Variants in TMEM9 observed in about 807,000 individuals in gnomAD.
TMEM9 encodes proton-transporting V-type ATPase complex assembly regulator TMEM9.
TMEM9 carries 13 observed loss-of-function variants against 22.8 expected under a neutral mutation model. The ratio of observed to expected loss-of-function variants is 0.57; its 90% CI spans 0.37 to 0.91. The LOEUF (loss-of-function observed/expected upper bound fraction) is 0.91, where lower values mean the gene tolerates loss of function less well. Among genes scored for constraint, TMEM9 ranks in the 40% least tolerant of loss-of-function variants. The probability of loss-of-function intolerance (pLI) is 0.01; values close to 1 mark genes in which losing one functional copy is unlikely to be tolerated. For synonymous variants in TMEM9, 88 were observed against 93.0 expected, an observed-to-expected ratio of 0.95 and a Z score of 0.31; for missense variants, 182 against 238.1, an observed-to-expected ratio of 0.76 and a Z score of 1.55.
intron 1 of TMEM9, among the ~76,000 whole-genome samples, chr1:201,171,034 G>A (rs1666199406): frequency 6.6e-6 from 1 of 152,246 alleles, no homozygotes; most frequent in Non-Finnish European, 1.5e-5. Flanking sequence ...TGTTGTGCCC[G>A]AGACAGGCAC....
At chr1:201,149,141 G>A (rs934305121) in intron 2 of TMEM9, among the ~76,000 whole-genome samples, 2 of 152,210 alleles carry the variant, frequency 1.3e-5, no homozygotes, top group African/African-American at 4.8e-5. Flanking sequence ...TTGCTACCCA[G>A]GGGAACAGCA....
intron 1 of TMEM9, among the ~76,000 whole-genome samples, chr1:201,163,488 G>A (rs1665998373): frequency 6.6e-6 from 1 of 152,064 alleles, no homozygotes; most frequent in African/African-American, 2.4e-5. Context: ...TACTTGAGAG[G>A]CTGAGACATG....
intron 4 of TMEM9, among the ~76,000 whole-genome samples, chr1:201,139,606 C>A (rs1364848406): frequency 6.6e-6 from 1 of 152,184 alleles, no homozygotes; most frequent in African/African-American, 2.4e-5. Flanking sequence ...CCTCTGGCCA[C>A]ACTGGTCCAT....
intron 4 of TMEM9, among the ~76,000 whole-genome samples, chr1:201,142,377 G>A (rs546767962): frequency 7.2e-5 from 11 of 152,284 alleles, no homozygotes; most frequent in African/African-American, 2.6e-4. Context: ...TTTTTGGTGA[G>A]GAACTGGCTC....
At chr1:201,155,191 C>T (rs144892749), upstream of TMEM9, among the ~76,000 whole-genome samples, 33 of 152,290 alleles carry the variant, frequency 2.2e-4, no homozygotes, top group African/African-American at 7.2e-4. Context: ...TTGGCCCTGG[C>T]GCTCCCCCTA....
At chr1:201,160,629 T>A (rs1284733124) in intron 1 of TMEM9, among the ~76,000 whole-genome samples, 2 of 55,542 alleles carry the variant, frequency 3.6e-5, no homozygotes, top group African/African-American at 7.7e-5. Context: ...AAATTTTTTT[T>A]TTTTTTTTAA....
chr1:201,161,129 C>T (rs774818009), intron 1 of TMEM9, among the ~76,000 whole-genome samples: 39 of 152,028 alleles, frequency 2.6e-4, no homozygotes, highest in Non-Finnish European at 4.7e-4. Context: ...AAATTTAGCA[C>T]GAAGAGTGGC....
intron 2 of TMEM9, among the ~76,000 whole-genome samples, chr1:201,148,852 C>T (rs778823851): frequency 1.3e-5 from 2 of 152,206 alleles, no homozygotes; most frequent in African/African-American, 2.4e-5. Flanking sequence ...CTGTTGTAAC[C>T]GGAAGTACTG....
At chr1:201,144,540 G>A (rs1007689812) in intron 3 of TMEM9, 1 of 152,704 alleles carries the variant, frequency 6.5e-6, no homozygotes, top group African/African-American at 2.4e-5. Flanking sequence ...CTGCAGGGAG[G>A]GGAAAGCCAA....
At position 201,154,091 on chromosome 1, in the gene TMEM9, C is replaced by A; in HGVS notation, c.-168G>T. On this transcript the variant is annotated 5_prime_UTR_variant, in exon 1 of 5. Coordinates refer to ENST00000367330, the MANE Select transcript of TMEM9 (RefSeq NM_001288565.2). ...CTCCAGGATTCCAAGGCCTGCTAAACCTGGTCGCCAAACCCTGCTTCCCTC... is the reference window on the plus strand; with the variant it reads ...CTCCAGGATTCCAAGGCCTGCTAAAACTGGTCGCCAAACCCTGCTTCCCTC... 1.3e-6 allele frequency: 1 copy of A among 786,196 alleles called. No homozygotes were observed. Among genetic ancestry groups the A allele is most frequent in the Non-Finnish European group, 1.9e-6 (1 of 513,158 alleles). 48.7% of individuals were successfully genotyped at this position (786,196 alleles called of 1,614,324 possible). A position where few individuals can be genotyped will look rare whatever the true frequency, so the allele number is the denominator to read the frequency against.
chr1:201,154,311 T>G lies in TMEM9; in HGVS notation c.-388A>C, dbSNP rs1665678732. 1.6e-5 allele frequency: 3 copies of G among 190,580 alleles called. No individual in the cohort carries two copies. In the South Asian group the frequency reaches 2.6e-4, roughly 17 times the overall value. 11.8% of individuals were successfully genotyped at this position (190,580 alleles called of 1,614,324 possible). ...TCCCCGCTCGGGCCCGACGGGAACT[T>G]TTGGGTGCGAGTCTGGGACCCCTGC... On this transcript the variant is annotated 5_prime_UTR_variant, in exon 1 of 5. Coordinates refer to ENST00000367330, the MANE Select transcript of TMEM9 (RefSeq NM_001288565.2).
intron 1 of TMEM9, among the ~76,000 whole-genome samples, chr1:201,152,242 G>A (rs1321752562): frequency 6.6e-6 from 1 of 152,118 alleles, no homozygotes; most frequent in African/African-American, 2.4e-5. Context: ...GGACTTGGCA[G>A]CCACCCTCTT....
chr1:201,142,145 G>C (rs1273420096), intron 4 of TMEM9, among the ~76,000 whole-genome samples: 1 of 152,172 alleles, frequency 6.6e-6, no homozygotes, highest in East Asian at 1.9e-4. Context: ...GCTCCAATGG[G>C]GCGAGGCTCA....
chr1:201,148,113 G>A (rs898772599), intron 2 of TMEM9, among the ~76,000 whole-genome samples: 1 of 152,182 alleles, frequency 6.6e-6, no homozygotes, highest in African/African-American at 2.4e-5. Context: ...AGGAAGAGTA[G>A]ACCCACTTTC....
intron 3 of TMEM9, among the ~76,000 whole-genome samples, chr1:201,146,161 G>C (rs1202918800): frequency 2.0e-5 from 3 of 152,182 alleles, no homozygotes; most frequent in Non-Finnish European, 4.4e-5. Flanking sequence ...CAGACACCTC[G>C]TGACGTCTAT....
intron 4 of TMEM9, 151 bp downstream of exon 4, chr1:201,143,669 T>C: frequency 1.5e-6 from 1 of 678,836 alleles, no homozygotes; most frequent in Non-Finnish European, 2.5e-6. Flanking sequence ...AGGTCCCTGC[T>C]GAGTCTGGGT....
chr1:201,139,635 C>T (rs142420244), intron 4 of TMEM9, among the ~76,000 whole-genome samples: 49 of 152,282 alleles, frequency 3.2e-4, no homozygotes, highest in African/African-American at 8.2e-4. Context: ...TGTCTACCTG[C>T]GGTGATCCTC....
chr1:201,147,798 T>C (rs1329884369), intron 2 of TMEM9, among the ~76,000 whole-genome samples: 2 of 152,114 alleles, frequency 1.3e-5, no homozygotes, highest in Non-Finnish European at 2.9e-5. Context: ...CCTCACCCAC[T>C]TTCCCAACCT....
rs180704608 is a variant in TMEM9 at position 201,142,375 on chromosome 1, G to A, written c.399+1445C>T. On this transcript the variant is annotated intron_variant, in intron 4 of 4. Coordinates refer to ENST00000367330, the MANE Select transcript of TMEM9 (RefSeq NM_001288565.2). ...TGAGCCCCTGGGTCCTCTTTTTGGT[G>A]AGGAACTGGCTCATGGTCTTGCAAG... 8.5e-4 allele frequency among the ~76,000 whole-genome samples: 129 copies of A among 152,286 alleles called. 1 individual carries two copies. The highest frequency in any genetic ancestry group is 3.0e-3 in the African/African-American group (126 of 41,556).
Sources: allele counts gnomAD v4.1 joint callset (sites outside exome capture counted in the v4.1 genomes callset), GRCh38; gene constraint gnomAD v4.1.1; transcripts MANE v1.5; gene names NCBI Gene and HGNC (gene_info 2026-07-23, HGNC 2026-07-21).